ZCCHC14: variants seen among roughly 807,000 people sequenced by gnomAD.
ZCCHC14 encodes zinc finger CCHC-type containing 14.
In ZCCHC14, 16 loss-of-function variants were observed where a neutral mutation model predicts 85.0. The ratio of observed to expected loss-of-function variants is 0.19; its 90% confidence interval spans 0.13 to 0.29. The LOEUF is 0.29. Among genes scored for constraint, ZCCHC14 ranks in the 10% least tolerant of loss-of-function variants. The pLI, the probability that ZCCHC14 is intolerant of heterozygous loss-of-function variation, is 1.00. For synonymous variants in ZCCHC14, 775 were observed against 630.7 expected (o/e 1.23, Z -3.43); for missense variants, 1,303 against 1,443.5 (o/e 0.90, Z 1.58).
intron 2 of ZCCHC14, among the ~76,000 whole-genome samples, chr16:87,438,250 G>A (rs563441301): frequency 2.0e-5 from 3 of 152,400 alleles, no homozygotes; most frequent in South Asian, 2.1e-4. Context: ...CGGCGTGCAC[G>A]GGGGCTGGAC....
Position 87,491,118 on chromosome 16 carries a change from G to A in ZCCHC14, c.570+551C>T, listed in dbSNP as rs938329423. Among the ~76,000 whole-genome samples, 7 of 152,246 alleles carry A rather than the reference G, an allele frequency of 4.6e-5. No homozygotes were observed. The highest frequency in any genetic ancestry group is 1.7e-4 in the African/African-American group (7 of 41,464). ...TCTGTCACCCAAGGGCCCCATTAAG[G>A]GGACAAAGGCCTTATCGCGTTTGCA... On this transcript the variant is annotated intron_variant, in intron 1 of 12. Transcript: ENST00000671377. The surrounding 1 kb of genome is among the most constrained non-coding windows in gnomAD (Gnocchi z 5.9).
intron 3 of ZCCHC14, 89 bp from the exon 4 acceptor site, chr16:87,423,970 T>A (rs908155335): frequency 1.4e-5 from 20 of 1,421,530 alleles, no homozygotes; most frequent in Non-Finnish European, 1.8e-5. Context: ...GGGCACACGT[T>A]CAGTCGGCAG....
rs540605684 is a variant in ZCCHC14, at chr16:87,476,569, T to C, written c.570+15100A>G. On this transcript the variant is annotated intron_variant, in intron 1 of 12. Transcript: ENST00000671377. ...CAAGCAGACTGTGTAAAGTTCAGTA[T>C]CTACAGTGTCATCTCTAGACCAGCC... Among the ~76,000 whole-genome samples, 7 of 152,006 alleles carry C rather than the reference T, an allele frequency of 4.6e-5. No homozygotes were observed. In the South Asian group the frequency reaches 8.3e-4, roughly 18 times the overall value.
chr16:87,471,016 A>G (rs1039294557), intron 1 of ZCCHC14: 3 of 152,202 alleles, frequency 2.0e-5, no homozygotes, highest in African/African-American at 7.2e-5. Context: ...GCAAGCTTCT[A>G]AAACCATAAC....
At position 87,491,852 on chromosome 16, in the gene ZCCHC14, G is replaced by A. The variant is rs539170699; in HGVS notation, c.387C>T (p.Gly129=). 30 of 1,564,470 alleles carry A rather than the reference G, an allele frequency of 1.9e-5. No homozygotes were observed. Among genetic ancestry groups the A allele is most frequent in the South Asian group, 1.9e-4 (16 of 84,844 alleles). ...TGGTGAACAGCAGCAGGAACTCATC[G>A]CCCGTGCGGCCCTCGTTAAGCTGCA... ...YGLQLNEGRT[G]DEFLLLFTMA... The change falls in exon 1 of 13, where the codon GGC becomes GGT. Residue 129 remains glycine, a synonymous_variant. Coordinates refer to ENST00000671377, the MANE Select transcript of ZCCHC14 (RefSeq NM_015144.3). This position sits in a 1 kb window ranked among gnomAD's most constrained non-coding sequence, Gnocchi z 5.9.
chr16:87,456,382 T>C (rs1030947391), intron 2 of ZCCHC14, among the ~76,000 whole-genome samples: 1 of 151,638 alleles, frequency 6.6e-6, no homozygotes, highest in African/African-American at 2.4e-5. Flanking sequence ...TATAAAAAAA[T>C]AGCCGGGCGT....
chr16:87,478,667 C>A (rs559017745), intron 1 of ZCCHC14, among the ~76,000 whole-genome samples: 1 of 151,226 alleles, frequency 6.6e-6, no homozygotes, highest in East Asian at 2.0e-4. Context: ...AGTGCAGTGG[C>A]GCCATCTTGG....
chr16:87,463,941 T>A (rs535730040), intron 1 of ZCCHC14, among the ~76,000 whole-genome samples: 15 of 152,260 alleles, frequency 9.9e-5, no homozygotes, highest in African/African-American at 3.1e-4. Flanking sequence ...CACCTGAGCC[T>A]CCTGAGTAAC....
chr16:87,442,394 C>T (rs1412213542), intron 2 of ZCCHC14, among the ~76,000 whole-genome samples: 1 of 152,114 alleles, frequency 6.6e-6, no homozygotes, highest in Non-Finnish European at 1.5e-5. Context: ...TCGTATCATA[C>T]TATTCAAGAA....
At chr16:87,473,872 T>C (rs1911885263) in intron 1 of ZCCHC14, 1 of 151,966 alleles carries the variant, frequency 6.6e-6, no homozygotes, top group Non-Finnish European at 1.5e-5. Flanking sequence ...CCAGAAAGTG[T>C]CAGTAAAATC....
chr16:87,443,292 C>T (rs1910275065), intron 2 of ZCCHC14, among the ~76,000 whole-genome samples: 2 of 152,288 alleles, frequency 1.3e-5, no homozygotes, highest in Admixed American at 6.5e-5. Context: ...TCACTGATGG[C>T]TCTACAAAAG....
At chr16:87,469,506 G>A (rs1911683091) in intron 1 of ZCCHC14, among the ~76,000 whole-genome samples, 1 of 152,194 alleles carries the variant, frequency 6.6e-6, no homozygotes, top group Non-Finnish European at 1.5e-5. Flanking sequence ...GCCAGTGCTG[G>A]GTCCACACAG....
chr16:87,453,562 G>A (rs955382548), intron 2 of ZCCHC14, among the ~76,000 whole-genome samples: 32 of 152,334 alleles, frequency 2.1e-4, no homozygotes, highest in African/African-American at 7.2e-4. Flanking sequence ...CCACACACCT[G>A]GCTGCCCCAG....
intron 9 of ZCCHC14, among the ~76,000 whole-genome samples, 184 bp from the exon 10 acceptor site, chr16:87,414,725 T>G (rs939020510): frequency 1.3e-5 from 2 of 152,236 alleles, no homozygotes; most frequent in African/African-American, 4.8e-5. Context: ...CTCATTCTGA[T>G]TGGTCAAATT....
intron 1 of ZCCHC14, chr16:87,471,084 T>G (rs1282116233): frequency 6.6e-6 from 1 of 152,148 alleles, no homozygotes; most frequent in East Asian, 1.9e-4. Context: ...TAACATGAAC[T>G]TCAAAGTGTC....
Position 87,491,712 on chromosome 16 carries a change from G to T in ZCCHC14, c.527C>A (p.Pro176His). 1 of 1,531,820 alleles carries T rather than the reference G, an allele frequency of 6.5e-7. No homozygotes were observed. 94.9% of individuals were successfully genotyped at this position (1,531,820 alleles called of 1,614,324 possible). ...GGGGHGGKGAPGPGGALPTCP... is the reference protein window; with the variant it reads ...GGGGHGGKGAHGPGGALPTCP... ...AGTGGGCAGCGCGCCGCCCGGCCCG[G>T]GCGCGCCCTTGCCGCCGTGGCCCCC... The change falls in exon 1 of 13, where the codon CCC becomes CAC. Residue 176 changes from proline to histidine, a missense_variant. Physicochemically the swap from Pro to His is moderately conservative, Grantham distance 77 (BLOSUM62 -2). Around this residue, in one of 7 missense-constraint regions of ZCCHC14, gnomAD observed 389 missense variants for 397.8 expected, o/e 0.98. Coordinates refer to ENST00000671377, the MANE Select transcript of ZCCHC14 (RefSeq NM_015144.3). The surrounding 1 kb of genome is among the most constrained non-coding windows in gnomAD (Gnocchi z 5.9).
intron 1 of ZCCHC14, among the ~76,000 whole-genome samples, chr16:87,488,301 C>T (rs1390498207): frequency 6.6e-6 from 1 of 152,106 alleles, no homozygotes; most frequent in Non-Finnish European, 1.5e-5. Context: ...GCCAACTATC[C>T]CCCACAGTTG....
chr16:87,435,931 ATACATAGCTT>A (rs1403080581), intron 2 of ZCCHC14, among the ~76,000 whole-genome samples: 2 of 152,240 alleles, frequency 1.3e-5, no homozygotes, highest in Non-Finnish European at 2.9e-5. Context: ...CTGTCAGCAA[ATACATAGCTT>A]TTATGTTTTT....
At chr16:87,454,512 T>A (rs1424164888) in intron 2 of ZCCHC14, among the ~76,000 whole-genome samples, 1 of 152,158 alleles carries the variant, frequency 6.6e-6, no homozygotes, top group African/African-American at 2.4e-5. Flanking sequence ...AAACTCTCAA[T>A]GAAGAATTCC....
Sources: gnomAD v4.1 joint callset for allele counts (sites outside exome capture counted in the v4.1 genomes callset) on GRCh38, gnomAD v4.1.1 for gene constraint, gnomAD v4.1.1 regional missense constraint, Gnocchi (gnomAD v3.1) non-coding constraint, MANE v1.5 for transcripts, NCBI Gene and HGNC (gene_info 2026-07-23, HGNC 2026-07-21) for gene names.